Variants in SIPA1L1 observed in about 807,000 individuals in gnomAD.
SIPA1L1 encodes the protein signal induced proliferation associated 1 like 1, also known as signal-induced proliferation-associated 1-like protein 1.
In SIPA1L1, 26 loss-of-function variants were observed where a neutral mutation model predicts 162.7. The ratio of observed to expected loss-of-function variants is 0.16; its 90% CI spans 0.12 to 0.22. SIPA1L1 has a LOEUF of 0.22. SIPA1L1 is among the 10% of genes least tolerant of loss of function. The probability of loss-of-function intolerance (pLI) is 1.00; values close to 1 mark genes in which losing one functional copy is unlikely to be tolerated. For synonymous variants in SIPA1L1, 829 were observed against 837.4 expected (o/e 0.99, Z 0.17); for missense variants, 1,874 against 2,241.0 (o/e 0.84, Z 3.31).
intron 2 of SIPA1L1, among the ~76,000 whole-genome samples, chr14:71,322,450 G>A (rs2033167041): frequency 6.6e-6 from 1 of 152,132 alleles, no homozygotes; most frequent in Non-Finnish European, 1.5e-5. Context: ...CTGCAATTAA[G>A]CTACCTTTAC....
chr14:71,663,677 T>C (rs909151332), intron 10 of SIPA1L1, among the ~76,000 whole-genome samples: 1 of 152,060 alleles, frequency 6.6e-6, no homozygotes, highest in Non-Finnish European at 1.5e-5. Flanking sequence ...CCCTGAAAAT[T>C]AGGATTTTTG....
chr14:71,737,779 A>G (rs1041429526), intron 22 of SIPA1L1, among the ~76,000 whole-genome samples: 3 of 152,124 alleles, frequency 2.0e-5, no homozygotes, highest in African/African-American at 7.2e-5. Flanking sequence ...AGCTAAGACC[A>G]CACACTTGGG....
intron 2 of SIPA1L1, among the ~76,000 whole-genome samples, chr14:71,328,143 A>G (rs1294387524): frequency 2.0e-5 from 3 of 152,206 alleles, no homozygotes; most frequent in African/African-American, 4.8e-5. Flanking sequence ...TGTAACAGGA[A>G]GCAAGGTATA....
intron 13 of SIPA1L1, among the ~76,000 whole-genome samples, chr14:71,696,118 C>T (rs1043936881): frequency 2.6e-5 from 4 of 152,174 alleles, no homozygotes; most frequent in African/African-American, 9.7e-5. Flanking sequence ...TACGTGGCCC[C>T]GCCATACCTG....
intron 4 of SIPA1L1, among the ~76,000 whole-genome samples, chr14:71,554,582 C>CTTG (rs901223611): frequency 2.0e-4 from 31 of 152,162 alleles, no homozygotes; most frequent in African/African-American, 6.0e-4. Flanking sequence ...ATAAAGAGAG[C>CTTG]TTGTTGTTGT....
At chr14:71,333,674 T>TA (rs144587577) in intron 2 of SIPA1L1, among the ~76,000 whole-genome samples, 1 of 152,346 alleles carries the variant, frequency 6.6e-6, no homozygotes, top group African/African-American at 2.4e-5. Flanking sequence ...AGGTGGCAGA[T>TA]ACGTTCTCAT....
intron 2 of SIPA1L1, among the ~76,000 whole-genome samples, chr14:71,486,728 C>G (rs10130488): frequency 0.89 from 134,945 of 152,254 alleles, 60,241 homozygotes; most frequent in East Asian, 1. Context: ...TTTCAGCTTT[C>G]GACAAATTAT....
At chr14:71,533,097 G>C (rs2053590987) in intron 4 of SIPA1L1, among the ~76,000 whole-genome samples, 1 of 152,112 alleles carries the variant, frequency 6.6e-6, no homozygotes, top group Non-Finnish European at 1.5e-5. Flanking sequence ...CGAAAATGTT[G>C]GGTCGTAGAC....
intron 4 of SIPA1L1, among the ~76,000 whole-genome samples, chr14:71,542,964 G>A (rs913133507): frequency 1.3e-5 from 2 of 151,840 alleles, no homozygotes; most frequent in Admixed American, 6.6e-5. Flanking sequence ...TGTAGCTAAC[G>A]TCTTTGTTCT....
intron 2 of SIPA1L1, among the ~76,000 whole-genome samples, chr14:71,372,309 A>G (rs907954027): frequency 1.3e-5 from 2 of 152,292 alleles, no homozygotes; most frequent in South Asian, 2.1e-4. Flanking sequence ...GCTCTGAACA[A>G]TACATTTAAA....
At chr14:71,502,831 T>C (rs2050369840) in intron 2 of SIPA1L1, among the ~76,000 whole-genome samples, 1 of 152,212 alleles carries the variant, frequency 6.6e-6, no homozygotes. Context: ...TTTATGTTTC[T>C]TTCCCTGTTA....
intron 9 of SIPA1L1, among the ~76,000 whole-genome samples, chr14:71,660,093 C>T (rs560456594): frequency 6.6e-6 from 1 of 151,938 alleles, no homozygotes; most frequent in Admixed American, 6.5e-5. Context: ...TATGTCAAGC[C>T]ATATTTTGAA....
intron 2 of SIPA1L1, among the ~76,000 whole-genome samples, chr14:71,460,077 G>A (rs1240486291): frequency 6.6e-6 from 1 of 152,052 alleles, no homozygotes; most frequent in Non-Finnish European, 1.5e-5. Context: ...TCATGATAAA[G>A]GAAAAGGAAA....
intron 2 of SIPA1L1, among the ~76,000 whole-genome samples, chr14:71,420,624 G>A (rs938193900): frequency 1.6e-4 from 24 of 152,146 alleles, no homozygotes; most frequent in African/African-American, 5.6e-4. Context: ...TTCCAAACAT[G>A]CATAGAAGTA....
chr14:71,360,466 TC>T (rs1595001961), intron 2 of SIPA1L1, among the ~76,000 whole-genome samples: 1 of 152,354 alleles, frequency 6.6e-6, no homozygotes, highest in East Asian at 1.9e-4. Flanking sequence ...TGAATTTTTG[TC>T]ACAGATTTTC....
chr14:71,355,572 G>T (rs139741377), intron 2 of SIPA1L1, among the ~76,000 whole-genome samples: 1 of 152,294 alleles, frequency 6.6e-6, no homozygotes, highest in Admixed American at 6.5e-5. Context: ...AACTTGAGCT[G>T]GTATAGAAAA....
intron 17 of SIPA1L1, among the ~76,000 whole-genome samples, chr14:71,710,121 C>G (rs1049183681): frequency 2.0e-5 from 3 of 152,198 alleles, no homozygotes; most frequent in Admixed American, 2.0e-4. Flanking sequence ...CCTCTCAAGC[C>G]GAGAACCTCA....
intron 2 of SIPA1L1, among the ~76,000 whole-genome samples, chr14:71,424,009 T>C (rs1444627027): frequency 6.6e-6 from 1 of 152,156 alleles, no homozygotes; most frequent in African/African-American, 2.4e-5. Flanking sequence ...TACAAGTCTT[T>C]CACTTCCTTG....
intron 3 of SIPA1L1, among the ~76,000 whole-genome samples, chr14:71,520,425 A>G (rs942189081): frequency 2.0e-5 from 3 of 152,218 alleles, no homozygotes; most frequent in African/African-American, 7.2e-5. Flanking sequence ...ATTTTGAAGT[A>G]TGATATACAC....
Sources: allele counts gnomAD v4.1 joint callset (sites outside exome capture counted in the v4.1 genomes callset), GRCh38; gene constraint gnomAD v4.1.1; transcripts MANE v1.5; gene names NCBI Gene and HGNC (gene_info 2026-07-23, HGNC 2026-07-21).